The following IGFN1 variants were observed in gnomAD, a reference collection of about 807,000 sequenced individuals.
IGFN1 encodes the protein immunoglobulin like and fibronectin type III domain containing 1.
A neutral mutation model predicts 289.5 loss-of-function variants in IGFN1; 253 were observed. The observed-to-expected ratio is 0.87, with a 90% confidence interval of 0.79 to 0.97. IGFN1 has a LOEUF of 0.97. Among genes scored for constraint, IGFN1 ranks in the 50% least tolerant of loss-of-function variants. IGFN1 has a pLI of 0.00. For synonymous variants in IGFN1, 1,706 were observed against 1,788.5 expected (o/e 0.95, Z 1.16); for missense variants, 4,470 against 4,686.1 (o/e 0.95, Z 1.35).
In IGFN1 at chr1:201,214,258, C is replaced by T. The variant is rs1445851874; in HGVS notation, c.8810C>T (p.Thr2937Ile). The T allele has an allele frequency of 1.2e-6, 2 of 1,613,390 alleles. No homozygotes were observed. Among genetic ancestry groups the T allele is most frequent in the South Asian group, 2.2e-5 (2 of 91,066 alleles). ...GEAATLSCTLTSDLGPGTWFK... is the reference protein window; with the variant it reads ...GEAATLSCTLISDLGPGTWFK... The stretch of plus-strand genomic sequence containing the variant: ...GCCGCCACACTCTCCTGTACCCTCA[C>T]CAGTGACCTGGGACCTGGCACCTGG... The change falls in exon 13 of 24, where the codon ACC becomes ATC. Residue 2937 changes from threonine to isoleucine, a missense_variant. Physicochemically the swap from Thr to Ile is moderately conservative, Grantham distance 89. Around this residue, in one of 8 missense-constraint regions of IGFN1, gnomAD observed 2,218 missense variants for 2,114.1 expected, o/e 1.05. Transcript: ENST00000335211.
intron 20 of IGFN1, among the ~76,000 whole-genome samples, chr1:201,224,252 G>A (rs1653936325): frequency 6.6e-6 from 1 of 152,114 alleles, no homozygotes; most frequent in Admixed American, 6.5e-5. Flanking sequence ...TTGGCTGCCA[G>A]GGTGGTTAAC....
intron 21 of IGFN1, among the ~76,000 whole-genome samples, chr1:201,225,213 C>T (rs1450481232): frequency 5.3e-5 from 8 of 152,302 alleles, no homozygotes; most frequent in African/African-American, 1.7e-4. Context: ...TGTCTGCAGC[C>T]GTTGCACAGG....
intron 3 of IGFN1, 121 bp from the exon 4 acceptor site, chr1:201,195,718 T>G: frequency 9.0e-7 from 1 of 1,110,410 alleles, no homozygotes; most frequent in Non-Finnish European, 1.2e-6. Flanking sequence ...CTGGCATCCT[T>G]TTTGGAAGGG....
rs756901753 is a variant in IGFN1 at position 201,225,936 on chromosome 1, G to C, written c.10599G>C (p.Ala3533=). 1.9e-6 allele frequency: 3 copies of C among 1,603,408 alleles called. No homozygotes were observed. Among genetic ancestry groups the C allele is most frequent in the South Asian group, 1.1e-5 (1 of 88,916 alleles). ...CCCAGGATGTCCCGCTGCACTACGCGGTGTTCACACGCTCCTCAGCGCACG... is the reference window on the plus strand; with the variant it reads ...CCCAGGATGTCCCGCTGCACTACGCCGTGTTCACACGCTCCTCAGCGCACG... ...DEAQDVPLHY[A]VFTRSSAHGP... Residue 3533 remains alanine, a synonymous_variant, in exon 22 of 24, where the codon GCG becomes GCC. Coordinates refer to ENST00000335211, the MANE Select transcript of IGFN1 (RefSeq NM_001164586.2).
chr1:201,202,699 CTTTT>C (rs994473856), intron 9 of IGFN1, among the ~76,000 whole-genome samples: 6 of 151,308 alleles, frequency 4.0e-5, no homozygotes, highest in African/African-American at 1.5e-4. Flanking sequence ...CCCTTTCTTT[CTTTT>C]TCTTTCTTTC....
In IGFN1 at chr1:201,212,181, C is replaced by T; in HGVS notation, c.7288C>T (p.Pro2430Ser). 2 of 1,535,392 alleles carry T rather than the reference C, an allele frequency of 1.3e-6. No individual in the cohort carries two copies. The highest frequency in any genetic ancestry group is 1.7e-6 in the Non-Finnish European group (2 of 1,146,266). ...GGTGGAACCTGGGATGGCTGGAATG[C>T]CAGGCACTGCAGGTGGCATGGCACA... ...PGVEPGMAGM[P>S]GTAGGMAHRD... Residue 2430 changes from proline to serine, a missense_variant, in exon 12 of 24, where the codon CCA (proline) becomes TCA (serine). Transcript: ENST00000335211.
At position 201,225,886 on chromosome 1, in the gene IGFN1, G is replaced by A. The variant is rs79942057; in HGVS notation, c.10549G>A (p.Glu3517Lys). 5.1e-4 allele frequency: 818 copies of A among 1,612,852 alleles called. 8 individuals carry two copies. In the African/African-American group the frequency reaches 8.7e-3, roughly 17 times the overall value. Reference protein sequence around the residue: ...QENVPGTVTAEWEPSPDEAQD... With the variant: ...QENVPGTVTAKWEPSPDEAQD... ...GAACGTGCCTGGGACGGTGACGGCC[G>A]AGTGGGAACCCTCTCCTGACGAGGC... The change falls in exon 22 of 24, where the codon GAG (glutamate) becomes AAG (lysine). Residue 3517 changes from glutamate to lysine, a missense_variant. By Grantham distance (56) the Glu-to-Lys change is moderately conservative. Around this residue, in one of 8 missense-constraint regions of IGFN1, gnomAD observed 2,218 missense variants for 2,114.1 expected, o/e 1.05. Transcript: ENST00000335211.
Position 201,212,410 on chromosome 1 carries a change from G to C in IGFN1, c.7517G>C (p.Arg2506Thr), listed in dbSNP as rs1474945303. ...GGGACTCCAGGGTCTTCTAGAGACA[G>C]AGGGGCTCCCAGGGTGAAGGATAGG... ...SSGTPGSSRD[R>T]GAPRVKDRSP... is the part of the protein sequence containing the mutation. Residue 2506 changes from arginine to threonine, a missense_variant, in exon 12 of 24, where the codon AGA becomes ACA. Arg to Thr is a moderately conservative substitution (Grantham distance 71). Around this residue, in one of 8 missense-constraint regions of IGFN1, gnomAD observed 2,218 missense variants for 2,114.1 expected, o/e 1.05. Transcript: ENST00000335211. 6.5e-7 allele frequency: 1 copy of C among 1,536,958 alleles called. No individual in the cohort carries two copies. Among genetic ancestry groups the C allele is most frequent in the Non-Finnish European group, 8.7e-7 (1 of 1,146,828 alleles).
chr1:201,212,357 A>G lies in IGFN1; in HGVS notation c.7464A>G (p.Pro2488=). The G allele has an allele frequency of 6.5e-7, 1 of 1,536,860 alleles. No individual in the cohort carries two copies. The highest frequency in any genetic ancestry group is 1.2e-5 in the South Asian group (1 of 84,062). ...AGGCTGCTGGTGCCAAGGGAAAACC[A>G]GATGTCAAAGAATGGCAAGACAGTT... ...ASEAAGAKGK[P]DVKEWQDSSG... Residue 2488 remains proline (P), a synonymous_variant, in exon 12 of 24, where the codon CCA becomes CCG. Transcript: ENST00000335211.
intron 10 of IGFN1, 115 bp downstream of exon 10, chr1:201,204,021 A>G (rs2102329324): frequency 4.0e-6 from 4 of 991,246 alleles, no homozygotes; most frequent in Non-Finnish European, 5.9e-6. Flanking sequence ...GCTGCAAAAG[A>G]CAATTGGGAG....
At position 201,210,860 on chromosome 1, in the gene IGFN1, A is replaced by G; in HGVS notation, c.5967A>G (p.Glu1989=). 6 of 1,533,070 alleles carry G rather than the reference A, an allele frequency of 3.9e-6. No individual in the cohort carries two copies. Among genetic ancestry groups the G allele is most frequent in the Non-Finnish European group, 5.2e-6 (6 of 1,146,076 alleles). 95.0% of individuals were successfully genotyped at this position (1,533,070 alleles called of 1,614,324 possible). A position where few individuals can be genotyped will look rare whatever the true frequency, so the allele number is the denominator to read the frequency against. The change falls in exon 12 of 24, where the codon GAA becomes GAG. Residue 1989 remains glutamate, a synonymous_variant. Transcript: ENST00000335211. ...GGGATGGTTTAGGGGGTTCTGAGGA[A>G]ATGGGGTCAATGGATGAGGCAGGTT... ...GFRDGLGGSE[E]MGSMDEAGYR...
At chr1:201,221,384 C>T (rs1465142604) in intron 18 of IGFN1, 60 bp from the exon 19 acceptor site, 1 of 1,288,614 alleles carries the variant, frequency 7.8e-7, no homozygotes, top group Admixed American at 2.7e-5. Flanking sequence ...TAATCAATAT[C>T]CACACTGAGT....
intron 5 of IGFN1, among the ~76,000 whole-genome samples, chr1:201,198,334 C>T (rs1431217469): frequency 6.6e-6 from 1 of 152,212 alleles, no homozygotes; most frequent in Non-Finnish European, 1.5e-5. Context: ...CAGGGTTTCA[C>T]CACGTTGGCC....
Position 201,208,578 on chromosome 1 carries a change from A to G in IGFN1, c.3685A>G (p.Arg1229Gly). 1.4e-6 allele frequency: 2 copies of G among 1,478,184 alleles called. No homozygotes were observed. The highest frequency in any genetic ancestry group is 1.8e-6 in the Non-Finnish European group (2 of 1,122,818). The allele number at this position is 1,478,184 out of a possible 1,614,324, so 91.6% of individuals were successfully genotyped here. A position where few individuals can be genotyped will look rare whatever the true frequency, so the allele number is the denominator to read the frequency against. ...TCCAGGGCCTCAGGGAACTGGGGTC[A>G]GAACAGCCTATGGAGAAAGGTCAAG... ...ELPGPQGTGV[R>G]TAYGERSRGL... Residue 1229 changes from arginine (R) to glycine (G), a missense_variant, in exon 12 of 24, where the codon AGA becomes GGA. Coordinates refer to ENST00000335211, the MANE Select transcript of IGFN1 (RefSeq NM_001164586.2).
In IGFN1 at chr1:201,208,085, C is replaced by G. The variant is rs1667519183; in HGVS notation, c.3192C>G (p.Gly1064=). The G allele has an allele frequency of 6.5e-7, 1 of 1,536,938 alleles. No individual in the cohort carries two copies. Among genetic ancestry groups the G allele is most frequent in the East Asian group, 2.4e-5 (1 of 40,902 alleles). ...ATTGGGCCTCTGCATGCCAGGCAGG[C>G]ATGGACCCTAGGGGAGGGCACCATT... The part of the protein sequence containing the change: ...TRNWASACQA[G]MDPRGGHHSD... The change falls in exon 12 of 24, where the codon GGC becomes GGG. Residue 1064 remains glycine, a synonymous_variant. Coordinates refer to ENST00000335211, the MANE Select transcript of IGFN1 (RefSeq NM_001164586.2).
At chr1:201,222,974 G>A (rs2102369437) in intron 20 of IGFN1, 147 bp downstream of exon 20, 1 of 529,868 alleles carries the variant, frequency 1.9e-6, no homozygotes, top group South Asian at 2.6e-5. Context: ...GTGGAAATCA[G>A]GTGAGAGACA....
Position 201,213,084 on chromosome 1 carries a change from G to C in IGFN1, c.8191G>C (p.Glu2731Gln). Residue 2731 changes from glutamate (E) to glutamine (Q), a missense_variant, in exon 12 of 24, where the codon GAG becomes CAG. Glu to Gln is a conservative substitution (Grantham distance 29). Coordinates refer to ENST00000335211, the MANE Select transcript of IGFN1 (RefSeq NM_001164586.2). Reference protein sequence around the residue: ...WGNALTPKPGESGPQGAWNGL... With the variant: ...WGNALTPKPGQSGPQGAWNGL... ...GAATGCCCTCACCCCAAAACCTGGG[G>C]AGTCCGGACCTCAGGGAGCCTGGAA... The C allele has an allele frequency of 6.4e-7, 1 of 1,551,654 alleles. No individual in the cohort carries two copies. Among genetic ancestry groups the C allele is most frequent in the Non-Finnish European group, 8.7e-7 (1 of 1,146,978 alleles).
At chr1:201,201,441 C>T (rs1265781972) in intron 8 of IGFN1, among the ~76,000 whole-genome samples, 1 of 152,220 alleles carries the variant, frequency 6.6e-6, no homozygotes, top group Non-Finnish European at 1.5e-5. Context: ...AGGTGTTCAA[C>T]TAATGTTCGT....
At chr1:201,218,462 G>A in intron 17 of IGFN1, 68 bp from the exon 18 acceptor site, 1 of 1,531,878 alleles carries the variant, frequency 6.5e-7, no homozygotes, top group Non-Finnish European at 8.8e-7. Flanking sequence ...AGAACTTGGA[G>A]GCACCCAAGC....
Sources: gnomAD v4.1 joint callset for allele counts (sites outside exome capture counted in the v4.1 genomes callset) on GRCh38, gnomAD v4.1.1 for gene constraint, gnomAD v4.1.1 regional missense constraint, MANE v1.5 for transcripts, NCBI Gene and HGNC (gene_info 2026-07-23, HGNC 2026-07-21) for gene names.